SNTG2: variants seen among roughly 807,000 people sequenced by gnomAD.
SNTG2 encodes the protein syntrophin gamma 2, also known as gamma-2-syntrophin.
Under a neutral mutation model 70.9 loss-of-function variants are expected in SNTG2, and 74 were observed. That is an observed-to-expected ratio of 1.04 (90% CI 0.86 to 1.27). The LOEUF is 1.27. SNTG2 is among the 50% of genes most tolerant of loss of function. The probability of loss-of-function intolerance (pLI) is 0.00; values close to 1 mark genes in which losing one functional copy is unlikely to be tolerated. For missense variants in SNTG2, 717 were observed against 690.7 expected (o/e 1.04, Z -0.43); for synonymous variants, 278 against 273.8 (o/e 1.02, Z -0.15).
At chr2:1,230,890 C>T (rs904990058) in intron 9 of SNTG2, among the ~76,000 whole-genome samples, 1 of 152,108 alleles carries the variant, frequency 6.6e-6, no homozygotes, top group African/African-American at 2.4e-5. Context: ...AGGATAATGA[C>T]AGTGCCTCTT....
chr2:1,041,120 TG>T (rs1356595288), intron 1 of SNTG2, among the ~76,000 whole-genome samples: 30 of 152,196 alleles, frequency 2.0e-4, no homozygotes, highest in African/African-American at 7.2e-4. Context: ...TTACATATCC[TG>T]TACTTTCTAG....
chr2:1,153,143 T>C (rs1193494713), intron 6 of SNTG2, among the ~76,000 whole-genome samples: 5 of 148,576 alleles, frequency 3.4e-5, no homozygotes, highest in Non-Finnish European at 4.4e-5. Context: ...AAAAAATGCC[T>C]TCACAACAAC....
At position 1,097,120 on chromosome 2, in the gene SNTG2, C is replaced by T. The variant is rs1037248179; in HGVS notation, c.211-1076C>T. 6.6e-6 allele frequency among the ~76,000 whole-genome samples: 1 copy of T among 152,160 alleles called. No individual in the cohort carries two copies. Among genetic ancestry groups the T allele is most frequent in the African/African-American group, 2.4e-5 (1 of 41,432 alleles). On this transcript the variant is annotated intron_variant, in intron 2 of 16. Coordinates refer to ENST00000308624, the MANE Select transcript of SNTG2 (RefSeq NM_018968.4). This position sits in a 1 kb window ranked among gnomAD's most constrained non-coding sequence, Gnocchi z 4.1. The stretch of plus-strand genomic sequence containing the variant: ...GTGTCCCCATATACACACTTTAACA[C>T]AGGTATATTTGCTCTAATTTTTGGT...
chr2:1,316,446 T>C (rs1417776484), intron 16 of SNTG2, 71 bp downstream of exon 16: 1 of 716,120 alleles, frequency 1.4e-6, no homozygotes, highest in Middle Eastern at 2.5e-4. Context: ...GGTCCGCTGG[T>C]AAAAATCTCC....
chr2:1,113,594 C>G (rs1035600686), intron 4 of SNTG2, among the ~76,000 whole-genome samples: 1 of 150,662 alleles, frequency 6.6e-6, no homozygotes, highest in South Asian at 2.1e-4. Context: ...TTAACCCTTA[C>G]AGTACTTTGA....
At chr2:1,200,130 A>G (rs915413836) in intron 8 of SNTG2, among the ~76,000 whole-genome samples, 1 of 152,060 alleles carries the variant, frequency 6.6e-6, no homozygotes, top group Non-Finnish European at 1.5e-5. Flanking sequence ...CTACAGAGCT[A>G]TAGTAATGAA....
intron 1 of SNTG2, among the ~76,000 whole-genome samples, chr2:968,141 C>A (rs57991119): frequency 8.1e-6 from 1 of 123,282 alleles, no homozygotes; most frequent in Non-Finnish European, 1.8e-5. Flanking sequence ...TTATTTCAAG[C>A]GTTTTTTTTT....
intron 1 of SNTG2, among the ~76,000 whole-genome samples, chr2:1,082,089 C>T (rs1413130215): frequency 6.6e-6 from 1 of 152,128 alleles, no homozygotes; most frequent in African/African-American, 2.4e-5. Flanking sequence ...TTGGGAGGAG[C>T]AGATTCTGGC....
chr2:1,294,264 A>G (rs1465468689), intron 14 of SNTG2, among the ~76,000 whole-genome samples: 1 of 151,908 alleles, frequency 6.6e-6, no homozygotes, highest in African/African-American at 2.4e-5. Flanking sequence ...AGATCCCATT[A>G]GGGACAGACC....
At chr2:1,207,636 C>G (rs1369191033) in intron 8 of SNTG2, among the ~76,000 whole-genome samples, 1 of 152,166 alleles carries the variant, frequency 6.6e-6, no homozygotes, top group Non-Finnish European at 1.5e-5. Context: ...ATCACACACT[C>G]TTTCTGTTAA....
intron 13 of SNTG2, among the ~76,000 whole-genome samples, chr2:1,266,324 G>T (rs1390667377): frequency 6.6e-6 from 1 of 152,142 alleles, no homozygotes; most frequent in African/African-American, 2.4e-5. Flanking sequence ...AATGAATCCC[G>T]AAGTGGGGTG....
At chr2:1,329,501 G>C (rs767059906) in intron 16 of SNTG2, among the ~76,000 whole-genome samples, 2 of 152,124 alleles carry the variant, frequency 1.3e-5, no homozygotes, top group Non-Finnish European at 2.9e-5. Flanking sequence ...CATCAGATGG[G>C]GTGCAGCTGT....
chr2:1,128,482 C>A (rs1039778156), intron 4 of SNTG2, among the ~76,000 whole-genome samples: 9 of 152,128 alleles, frequency 5.9e-5, no homozygotes, highest in African/African-American at 2.2e-4. Context: ...TAATGAATAT[C>A]TGCCTTACAC....
chr2:1,199,641 ACT>A (rs1413687425), intron 8 of SNTG2, among the ~76,000 whole-genome samples: 2 of 152,024 alleles, frequency 1.3e-5, no homozygotes, highest in African/African-American at 4.8e-5. Context: ...TCACCAAAAA[ACT>A]CTTAATACTA....
intron 14 of SNTG2, among the ~76,000 whole-genome samples, chr2:1,290,195 A>G (rs545018706): frequency 4.6e-5 from 7 of 152,306 alleles, no homozygotes; most frequent in African/African-American, 1.4e-4. Context: ...CAGGCTGTAC[A>G]GGAGGCATGG....
intron 7 of SNTG2, among the ~76,000 whole-genome samples, chr2:1,166,368 G>T (rs930016880): frequency 2.6e-5 from 4 of 152,144 alleles, no homozygotes; most frequent in Non-Finnish European, 5.9e-5. Flanking sequence ...GCCGACAGTC[G>T]GGTTCCTTCT....
chr2:1,259,211 T>G (rs1298483206), intron 12 of SNTG2, among the ~76,000 whole-genome samples, 159 bp from the exon 13 acceptor site: 1 of 152,208 alleles, frequency 6.6e-6, no homozygotes, highest in Non-Finnish European at 1.5e-5. Flanking sequence ...TCATCAAAAC[T>G]CACAGCAGTA....
chr2:1,095,878 C>A (rs1252259682), intron 2 of SNTG2, among the ~76,000 whole-genome samples: 1 of 152,304 alleles, frequency 6.6e-6, no homozygotes, highest in South Asian at 2.1e-4. Context: ...TCCTCCATAG[C>A]CTTAGAACTC....
chr2:1,186,112 C>A (rs1313059227), intron 8 of SNTG2, among the ~76,000 whole-genome samples: 1 of 152,136 alleles, frequency 6.6e-6, no homozygotes, highest in Non-Finnish European at 1.5e-5. Context: ...CTCTCAAGTT[C>A]AATGTTGCAC....
Sources: allele counts gnomAD v4.1 joint callset (sites outside exome capture counted in the v4.1 genomes callset), GRCh38; gene constraint gnomAD v4.1.1; non-coding constraint Gnocchi (gnomAD v3.1); transcripts MANE v1.5; gene names NCBI Gene and HGNC (gene_info 2026-07-23, HGNC 2026-07-21).